MYLK3: variants seen among roughly 807,000 people sequenced by gnomAD.
MYLK3 encodes myosin light chain kinase 3, also known as MLC kinase.
MYLK3 carries 55 observed loss-of-function variants against 76.3 expected under a neutral mutation model. That is an observed-to-expected ratio of 0.72 (90% CI 0.58 to 0.90). The LOEUF is 0.90. Among genes scored for constraint, MYLK3 ranks in the 40% least tolerant of loss-of-function variants. The probability of loss-of-function intolerance (pLI) is 0.00; values close to 1 mark genes in which losing one functional copy is unlikely to be tolerated. For missense variants in MYLK3, 973 were observed against 1,053.6 expected, an observed-to-expected ratio of 0.92 and a Z score of 1.06; for synonymous variants, 416 against 425.4, an observed-to-expected ratio of 0.98 and a Z score of 0.27.
chr16:46,711,469 C>CA (rs1966682857), intron 10 of MYLK3: 1 of 217,912 alleles, frequency 4.6e-6, no homozygotes, highest in Admixed American at 5.6e-5. Flanking sequence ...CCCTGCCCCC[C>CA]ACCCCCTTAC....
chr16:46,747,965 CGCCCGGGCCCGGT>C lies in MYLK3; in HGVS notation c.216_228del (p.Pro73GlyfsTer21), dbSNP rs762204483. The stretch of plus-strand genomic sequence containing the variant: ...TCAATGTGGGGAACCCCATCAGCCC[CGCCCGGGCCCGGT>C]GCCCGGGAGGCCTCCAGCCTGTGCA... On this transcript the variant is annotated frameshift_variant, in exon 1 of 13. Transcript: ENST00000394809. LOFTEE classifies it high-confidence loss of function. 6 of 1,612,968 alleles carry C rather than the reference CGCCCGGGCCCGGT, an allele frequency of 3.7e-6. No individual in the cohort carries two copies. The Admixed American group carries it at 5.0e-5, about 13-fold the overall frequency.
intron 1 of MYLK3, 56 bp from the exon 2 acceptor site, chr16:46,740,203 C>T: frequency 6.9e-7 from 1 of 1,448,106 alleles, no homozygotes; most frequent in Non-Finnish European, 9.7e-7. Flanking sequence ...CCATTCAGGC[C>T]ACAGACATTT....
chr16:46,742,447 A>AACACACACACACACACAC (rs57671045), intron 1 of MYLK3, among the ~76,000 whole-genome samples: 50 of 131,184 alleles, frequency 3.8e-4, no homozygotes, highest in African/African-American at 1.3e-3. Context: ...TCCCAGCAAA[A>AACACACACACACACACAC]ACACACACAC....
At chr16:46,730,083 C>T (rs1966849430) in intron 5 of MYLK3, 1 of 384,216 alleles carries the variant, frequency 2.6e-6, no homozygotes, top group Non-Finnish European at 4.8e-6. Flanking sequence ...ATCCTGCACC[C>T]CAGGGAACAT....
At chr16:46,743,190 C>T (rs1391622104) in intron 1 of MYLK3, among the ~76,000 whole-genome samples, 1 of 152,206 alleles carries the variant, frequency 6.6e-6, no homozygotes, top group Non-Finnish European at 1.5e-5. Flanking sequence ...CAGGGATCAT[C>T]GAATTCACTG....
intron 5 of MYLK3, 29 bp downstream of exon 5, chr16:46,730,564 C>G: frequency 6.3e-7 from 1 of 1,589,556 alleles, no homozygotes; most frequent in Non-Finnish European, 8.6e-7. Flanking sequence ...CTGCTCTAAG[C>G]CCCCCAACCA....
chr16:46,741,138 A>G (rs898015796), intron 1 of MYLK3, among the ~76,000 whole-genome samples: 6 of 152,148 alleles, frequency 3.9e-5, no homozygotes, highest in Non-Finnish European at 7.3e-5. Flanking sequence ...CACTTTCCTC[A>G]TCTGTAAAAT....
At chr16:46,744,206 T>C (rs146348030) in intron 1 of MYLK3, among the ~76,000 whole-genome samples, 12 of 151,894 alleles carry the variant, frequency 7.9e-5, no homozygotes, top group African/African-American at 2.9e-4. Context: ...CTAATTTTTG[T>C]ATTTTTAGTA....
At chr16:46,759,435 T>C (rs1377410031) in intron 1 of MYLK3, among the ~76,000 whole-genome samples, 4 of 152,164 alleles carry the variant, frequency 2.6e-5, no homozygotes, top group African/African-American at 4.8e-5. Flanking sequence ...TGCTACATCC[T>C]TACATCAATT....
chr16:46,731,386 C>T (rs1966852257), intron 4 of MYLK3, among the ~76,000 whole-genome samples: 1 of 152,116 alleles, frequency 6.6e-6, no homozygotes, highest in African/African-American at 2.4e-5. Flanking sequence ...GATATGAATA[C>T]CTAGAAATGT....
intron 1 of MYLK3, among the ~76,000 whole-genome samples, chr16:46,753,821 C>T (rs1202465141): frequency 6.6e-6 from 1 of 152,114 alleles, no homozygotes; most frequent in East Asian, 1.9e-4. Context: ...GCTGAGGTGG[C>T]AGGATTGTTT....
chr16:46,751,132 C>T (rs2052875), upstream of MYLK3, among the ~76,000 whole-genome samples: 362 of 152,116 alleles, frequency 2.4e-3, 3 homozygotes, highest in East Asian at 0.024. Context: ...TATCTGAGGC[C>T]GGGCGTGGTG....
At chr16:46,758,526 CT>C (rs1596781421) in intron 1 of MYLK3, among the ~76,000 whole-genome samples, 1 of 152,122 alleles carries the variant, frequency 6.6e-6, no homozygotes, top group East Asian at 1.9e-4. Context: ...GAGGAGCAAC[CT>C]GGGGAACTTT....
rs1430141290 is a variant in MYLK3 at position 46,741,830 on chromosome 16, G to A, written c.478-1683C>T. ...CTGTTGTCCAGCCTGGAGTGCAGTG[G>A]TTGGATCCCAGCTCACTGCAGCCTC... On this transcript the variant is annotated intron_variant, in intron 1 of 12. Coordinates refer to ENST00000394809, the MANE Select transcript of MYLK3 (RefSeq NM_182493.3). 2.7e-5 allele frequency among the ~76,000 whole-genome samples: 4 copies of A among 150,436 alleles called. No homozygotes were observed. In the East Asian group the frequency reaches 5.9e-4, roughly 22 times the overall value.
In MYLK3 at chr16:46,748,285, T is replaced by G. The variant is rs958519041; in HGVS notation, c.-92A>C. Reference sequence around the variant, plus strand: ...CAGGCGGTGGTGTCTGCAAGGTCATTGTCCTCCGTAGCTGACAGACTCCTG... The same window carrying G: ...CAGGCGGTGGTGTCTGCAAGGTCATGGTCCTCCGTAGCTGACAGACTCCTG... On this transcript the variant is annotated 5_prime_UTR_variant, in exon 1 of 13. Transcript: ENST00000394809. This position sits in a 1 kb window ranked among gnomAD's most constrained non-coding sequence, Gnocchi z 4.3. 1 of 1,479,438 alleles carries G rather than the reference T, an allele frequency of 6.8e-7. No homozygotes were observed. The highest frequency in any genetic ancestry group is 1.4e-5 in the African/African-American group (1 of 71,562). 91.6% of individuals were successfully genotyped at this position (1,479,438 alleles called of 1,614,324 possible).
intron 1 of MYLK3, chr16:46,757,343 G>A: frequency 1.0e-6 from 1 of 978,814 alleles, no homozygotes; most frequent in Non-Finnish European, 1.2e-6. Context: ...ACTGTCACCA[G>A]GTCTCCCTTA....
At chr16:46,750,007 TAAAC>T (rs147062323), upstream of MYLK3, among the ~76,000 whole-genome samples, 10,894 of 152,162 alleles carry the variant, frequency 0.072, 527 homozygotes, top group Non-Finnish European at 0.11. Context: ...AACACACAAA[TAAAC>T]AAAGTCTCCC....
intron 9 of MYLK3, among the ~76,000 whole-genome samples, chr16:46,719,270 T>C (rs1966775556): frequency 6.7e-6 from 1 of 149,144 alleles, no homozygotes; most frequent in Non-Finnish European, 1.5e-5. Context: ...GAGGTTGCAG[T>C]GAGCCGAGAT....
intron 3 of MYLK3, among the ~76,000 whole-genome samples, chr16:46,736,894 G>A (rs555480695): frequency 2.0e-5 from 3 of 152,242 alleles, no homozygotes; most frequent in East Asian, 1.9e-4. Context: ...GAGAGTCTGC[G>A]GGTTCTTTAC....
Sources: allele counts gnomAD v4.1 joint callset (sites outside exome capture counted in the v4.1 genomes callset), GRCh38; gene constraint gnomAD v4.1.1; non-coding constraint Gnocchi (gnomAD v3.1); transcripts MANE v1.5; gene names NCBI Gene and HGNC (gene_info 2026-07-23, HGNC 2026-07-21).